The following KIAA0930 variants were observed in gnomAD, a reference collection of about 807,000 sequenced individuals.
The protein encoded by KIAA0930 is uncharacterized protein KIAA0930.
Under a neutral mutation model 43.9 loss-of-function variants are expected in KIAA0930, and 24 were observed. The ratio of observed to expected loss-of-function variants is 0.55; its 90% CI spans 0.40 to 0.77. The LOEUF (loss-of-function observed/expected upper bound fraction) is 0.77, where lower values mean the gene tolerates loss of function less well. Ranked by LOEUF, KIAA0930 falls within the 30% of genes least tolerant of loss-of-function variation. The pLI is 0.00. For synonymous variants in KIAA0930, 259 were observed against 216.4 expected, an observed-to-expected ratio of 1.20 and a Z score of -1.73; for missense variants, 461 against 574.2, an observed-to-expected ratio of 0.80 and a Z score of 2.02.
Position 45,203,995 on chromosome 22 carries a change from G to A in KIAA0930, c.517-10C>T. 6.2e-7 allele frequency: 1 copy of A among 1,613,714 alleles called. No homozygotes were observed. The highest frequency in any genetic ancestry group is 8.5e-7 in the Non-Finnish European group (1 of 1,179,766). The stretch of plus-strand genomic sequence containing the variant: ...TCATGTCGCTGAACACCTGGGCCAG[G>A]ACACAAAGAGACAGGGACGTGACCA... On this transcript the variant is annotated splice_polypyrimidine_tract_variant and intron_variant, in intron 5 of 9. Coordinates refer to ENST00000336156, the MANE Select transcript of KIAA0930 (RefSeq NM_001009880.2).
chr22:45,226,387 G>A (rs1207911860), intron 1 of KIAA0930: 1 of 465,580 alleles, frequency 2.1e-6, no homozygotes, highest in Admixed American at 2.4e-5. Context: ...TGAGGTCCTA[G>A]GGGACAAAGG....
At position 45,240,654 on chromosome 22, in the gene KIAA0930, T is replaced by C. The variant is rs2083911239; in HGVS notation, c.50A>G (p.Glu17Gly). 3 of 1,525,572 alleles carry C rather than the reference T, an allele frequency of 2.0e-6. No individual in the cohort carries two copies. The highest frequency in any genetic ancestry group is 2.6e-6 in the Non-Finnish European group (3 of 1,143,016). The allele number at this position is 1,525,572 out of a possible 1,614,324, so 94.5% of individuals were successfully genotyped here. ...EERGRLSLRR[E>G]VCGLGCFKDD... ...GTCCCACTCACCGAGGCCGCAGACC[T>C]CGCGGCGCAGGCTAAGACGGCCGCG... Residue 17 changes from glutamate (E) to glycine (G), a missense_variant, in exon 1 of 10, where the codon GAG (glutamate) becomes GGG (glycine). Glu to Gly is a moderately conservative substitution (Grantham distance 98). Coordinates refer to ENST00000336156, the MANE Select transcript of KIAA0930 (RefSeq NM_001009880.2).
In KIAA0930 at chr22:45,218,918, C is replaced by T. The variant is rs183563977; in HGVS notation, c.65-6811G>A. Among the ~76,000 whole-genome samples, 14 of 152,214 alleles carry T rather than the reference C, an allele frequency of 9.2e-5. No homozygotes were observed. The East Asian group carries it at 1.2e-3, about 13-fold the overall frequency. ...GGCTTCCTGGGATAGTCTAAGAACCCGTGAAAGAACTTCAGACAAGAGCTT... is the reference window on the plus strand; with the variant it reads ...GGCTTCCTGGGATAGTCTAAGAACCTGTGAAAGAACTTCAGACAAGAGCTT... On this transcript the variant is annotated intron_variant, in intron 1 of 9. Transcript: ENST00000336156.
intron 1 of KIAA0930, among the ~76,000 whole-genome samples, chr22:45,239,689 T>G (rs563493415): frequency 1.2e-4 from 19 of 152,230 alleles, no homozygotes; most frequent in Admixed American, 2.6e-4. Context: ...CAACGGTGAA[T>G]GAAGGGGTGA....
intron 2 of KIAA0930, among the ~76,000 whole-genome samples, chr22:45,211,667 G>A (rs1485177837): frequency 6.6e-6 from 1 of 152,194 alleles, no homozygotes; most frequent in African/African-American, 2.4e-5. Flanking sequence ...GAGGCCAGCC[G>A]AGTTAGCTGT....
chr22:45,220,994 G>C (rs1048406940), intron 1 of KIAA0930, among the ~76,000 whole-genome samples: 3 of 150,620 alleles, frequency 2.0e-5, no homozygotes, highest in African/African-American at 7.3e-5. Context: ...TTTCCACCCT[G>C]CCCACTGTTA....
At chr22:45,213,393 G>A (rs922677003) in intron 1 of KIAA0930, 30 of 1,302,740 alleles carry the variant, frequency 2.3e-5, no homozygotes, top group African/African-American at 1.2e-4. Flanking sequence ...AGGCTTCATC[G>A]GTGAGGGTCT....
At chr22:45,212,234 C>T (rs910220990) in intron 1 of KIAA0930, 127 bp from the exon 2 acceptor site, 2 of 1,612,540 alleles carry the variant, frequency 1.2e-6, no homozygotes, top group Admixed American at 1.7e-5. Context: ...CTGAGATGCG[C>T]CACCCTTCCC....
At chr22:45,214,596 G>A (rs1014083861) in intron 1 of KIAA0930, among the ~76,000 whole-genome samples, 1 of 152,180 alleles carries the variant, frequency 6.6e-6, no homozygotes, top group Non-Finnish European at 1.5e-5. Context: ...GGTTTCACAG[G>A]TGCGTATAAC....
intron 7 of KIAA0930, 197 bp from the exon 8 acceptor site, chr22:45,200,232 C>T (rs2083575517): frequency 2.1e-6 from 1 of 476,926 alleles, no homozygotes; most frequent in Non-Finnish European, 3.6e-6. Flanking sequence ...GCCCAGGGGC[C>T]AGCAGGACAC....
At chr22:45,231,893 A>C (rs1482503829) in intron 1 of KIAA0930, among the ~76,000 whole-genome samples, 3 of 152,206 alleles carry the variant, frequency 2.0e-5, no homozygotes, top group Non-Finnish European at 4.4e-5. Flanking sequence ...CGGGAGGCTG[A>C]GGCAGGAGAA....
intron 9 of KIAA0930, among the ~76,000 whole-genome samples, 168 bp downstream of exon 9, chr22:45,197,622 C>T (rs533471010): frequency 1.1e-4 from 17 of 152,322 alleles, no homozygotes; most frequent in East Asian, 5.8e-4. Flanking sequence ...GGGAAAGCTA[C>T]GGCTCCACCC....
At chr22:45,201,745 T>TC (rs1028163707) in intron 7 of KIAA0930, among the ~76,000 whole-genome samples, 55 of 150,776 alleles carry the variant, frequency 3.6e-4, no homozygotes, top group African/African-American at 1.1e-3. Context: ...AGAAGATACC[T>TC]CCCCCCCAAA....
chr22:45,217,642 G>A (rs978865135), intron 1 of KIAA0930, among the ~76,000 whole-genome samples: 3 of 152,126 alleles, frequency 2.0e-5, no homozygotes, highest in Non-Finnish European at 2.9e-5. Context: ...ACGGAGCATC[G>A]CCTTGTCTGA....
intron 2 of KIAA0930, chr22:45,211,331 G>GA: frequency 2.5e-6 from 1 of 398,608 alleles, no homozygotes; most frequent in Non-Finnish European, 4.4e-6. Context: ...AACAGAGAAG[G>GA]AAGCATGCAA....
intron 1 of KIAA0930, among the ~76,000 whole-genome samples, chr22:45,223,672 G>A (rs2083780988): frequency 6.6e-6 from 1 of 151,444 alleles, no homozygotes; most frequent in African/African-American, 2.4e-5. Context: ...CCCAGGGTCA[G>A]CATTAAGCCA....
chr22:45,203,123 A>C lies in KIAA0930; in HGVS notation c.719T>G (p.Met240Arg), dbSNP rs1041215340. ...GGGGCCCTTCATGCGCACAAACTCC[A>C]TGTTGCTGTACTTGTAGAAGCCAAA... ...MSFGFYKYSN[M>R]EFVRMKGPQG... The change falls in exon 7 of 10, where the codon ATG becomes AGG. Residue 240 changes from methionine to arginine, a missense_variant. By Grantham distance (91) the Met-to-Arg change is moderately conservative. Coordinates refer to ENST00000336156, the MANE Select transcript of KIAA0930 (RefSeq NM_001009880.2). The C allele has an allele frequency of 6.2e-7, 1 of 1,613,322 alleles. No homozygotes were observed. Among genetic ancestry groups the C allele is most frequent in the Non-Finnish European group, 8.5e-7 (1 of 1,179,732 alleles).
At chr22:45,201,239 C>A (rs537780093) in intron 7 of KIAA0930, among the ~76,000 whole-genome samples, 2 of 152,348 alleles carry the variant, frequency 1.3e-5, no homozygotes, top group East Asian at 3.9e-4. Context: ...TGGCTCCAGA[C>A]GACCCCGCCA....
intron 1 of KIAA0930, among the ~76,000 whole-genome samples, chr22:45,236,760 G>T (rs368935768): frequency 3.9e-5 from 6 of 152,310 alleles, no homozygotes; most frequent in African/African-American, 1.4e-4. Flanking sequence ...AGGACAAAGA[G>T]AAGAACAGAA....
Sources: gnomAD v4.1 joint callset for allele counts (sites outside exome capture counted in the v4.1 genomes callset) on GRCh38, gnomAD v4.1.1 for gene constraint, MANE v1.5 for transcripts, NCBI Gene and HGNC (gene_info 2026-07-23, HGNC 2026-07-21) for gene names.